Variants in RCAN1 observed in about 807,000 individuals in gnomAD.
RCAN1 encodes calcipressin-1.
In RCAN1, 11 loss-of-function variants were observed where a neutral mutation model predicts 22.9. The observed-to-expected ratio is 0.48, with a 90% CI of 0.30 to 0.79. RCAN1 has a LOEUF of 0.79. Ranked by LOEUF, RCAN1 falls within the 30% of genes least tolerant of loss-of-function variation. The probability of loss-of-function intolerance (pLI) is 0.06; values close to 1 mark genes in which losing one functional copy is unlikely to be tolerated. For missense variants in RCAN1, 291 were observed against 337.8 expected (o/e 0.86, Z 1.09); for synonymous variants, 136 against 142.3 (o/e 0.96, Z 0.32).
At position 34,518,095 on chromosome 21, in the gene RCAN1, G is replaced by T; in HGVS notation, c.748C>A (p.His250Asn). 1 of 1,614,166 alleles carries T rather than the reference G, an allele frequency of 6.2e-7. No homozygotes were observed. The highest frequency in any genetic ancestry group is 1.1e-5 in the South Asian group (1 of 91,084). ...QTRRPEYTPI[H>N]LS ...CGTCGCGTGCCAGTTCAGCTGAGGT[G>T]GATCGGCGTGTACTCCGGCCTCCTG... is the stretch of plus-strand genomic sequence containing the variant. The change falls in exon 4 of 4, where the codon CAC (histidine) becomes AAC (asparagine). Residue 250 changes from histidine (H) to asparagine (N), a missense_variant. Transcript: ENST00000313806. This position sits in a 1 kb window ranked among gnomAD's most constrained non-coding sequence, Gnocchi z 4.2.
chr21:34,535,195 G>C (rs1985612855), intron 1 of RCAN1, among the ~76,000 whole-genome samples: 1 of 152,182 alleles, frequency 6.6e-6, no homozygotes, highest in African/African-American at 2.4e-5. Flanking sequence ...TAAATTCCCA[G>C]TTTTCTTTAG....
chr21:34,531,101 A>C (rs1484753522), intron 1 of RCAN1, among the ~76,000 whole-genome samples: 6 of 152,228 alleles, frequency 3.9e-5, no homozygotes, highest in African/African-American at 1.2e-4. Context: ...AGAGGGATTA[A>C]TATCAAATTC....
intron 1 of RCAN1, among the ~76,000 whole-genome samples, chr21:34,546,095 T>C (rs1986124052): frequency 6.6e-6 from 1 of 152,240 alleles, no homozygotes; most frequent in Non-Finnish European, 1.5e-5. Flanking sequence ...TTCTCAGAGA[T>C]ACAACATGCT....
rs1984067895 is a variant in RCAN1, at chr21:34,516,708, T to A, written c.*1376A>T. On this transcript the variant is annotated 3_prime_UTR_variant, in exon 4 of 4. Coordinates refer to ENST00000313806, the MANE Select transcript of RCAN1 (RefSeq NM_004414.7). Reference sequence around the variant, plus strand: ...AATCAAAGCATTTAATGCAAACATATTTGCTTCTCAAAGAATAAAACCATC... The same window carrying A: ...AATCAAAGCATTTAATGCAAACATAATTGCTTCTCAAAGAATAAAACCATC... 6.6e-6 allele frequency: 1 copy of A among 152,206 alleles called. No homozygotes were observed. The highest frequency in any genetic ancestry group is 1.9e-4 in the East Asian group (1 of 5,206). The allele number at this position is 152,206 out of a possible 1,614,324, so 9.4% of individuals were successfully genotyped here. A position where few individuals can be genotyped will look rare whatever the true frequency, so the allele number is the denominator to read the frequency against.
At chr21:34,563,794 T>TATATAG (rs765741781) in intron 1 of RCAN1, among the ~76,000 whole-genome samples, 41 of 48,704 alleles carry the variant, frequency 8.4e-4, no homozygotes, top group South Asian at 1.0e-3. Context: ...TATATATATA[T>TATATAG]AGAGAGAGAG....
chr21:34,569,077 C>T (rs908638916), intron 1 of RCAN1, among the ~76,000 whole-genome samples: 4 of 152,202 alleles, frequency 2.6e-5, no homozygotes, highest in African/African-American at 4.8e-5. Context: ...AATGATCTCC[C>T]ACCAGGTCCC....
At chr21:34,561,013 G>C (rs1036250705) in intron 1 of RCAN1, among the ~76,000 whole-genome samples, 1 of 152,160 alleles carries the variant, frequency 6.6e-6, no homozygotes, top group Non-Finnish European at 1.5e-5. Context: ...CCCTCATCCT[G>C]TTCTGGTGAT....
chr21:34,533,794 G>GGGGACATGC (rs1352073549), intron 1 of RCAN1, among the ~76,000 whole-genome samples: 1 of 152,218 alleles, frequency 6.6e-6, no homozygotes, highest in Non-Finnish European at 1.5e-5. Flanking sequence ...TCCTTGAGAA[G>GGGGACATGC]GGGACATGCG....
rs367768713 is a variant in RCAN1 at position 34,605,780 on chromosome 21, C to T, written c.252+8980G>A. On this transcript the variant is annotated intron_variant, in intron 1 of 3. Coordinates refer to ENST00000313806, the MANE Select transcript of RCAN1 (RefSeq NM_004414.7). ...ACTAAAAATACAAAAATTAGCCGGG[C>T]GTGGTGGCAGGCACCTGTAATCCCA... Among the ~76,000 whole-genome samples, 56 of 151,894 alleles carry T rather than the reference C, an allele frequency of 3.7e-4. No individual in the cohort carries two copies. In the South Asian group the frequency reaches 6.0e-3, roughly 16 times the overall value.
rs1049843349 is a variant in RCAN1, at chr21:34,614,138, G to A, written c.252+622C>T. ...CCCCATGTACTGGGTGTCCCCGATGGCGGCAAGCCACACCTTCACACAAGG... is the reference window on the plus strand; with the variant it reads ...CCCCATGTACTGGGTGTCCCCGATGACGGCAAGCCACACCTTCACACAAGG... On this transcript the variant is annotated intron_variant, in intron 1 of 3. Transcript: ENST00000313806. The surrounding 1 kb of genome is among the most constrained non-coding windows in gnomAD (Gnocchi z 6.0). The A allele has an allele frequency of 2.3e-5, 17 of 744,244 alleles. No homozygotes were observed. Among genetic ancestry groups the A allele is most frequent in the Admixed American group, 1.0e-4 (2 of 19,190 alleles). The allele number at this position is 744,244 out of a possible 1,614,324, so 46.1% of individuals were successfully genotyped here.
intron 1 of RCAN1, among the ~76,000 whole-genome samples, chr21:34,611,051 C>T (rs1163197228): frequency 6.6e-6 from 1 of 152,104 alleles, no homozygotes; most frequent in Non-Finnish European, 1.5e-5. Flanking sequence ...CATTACTATA[C>T]GGAACTATAT....
chr21:34,519,245 T>C (rs1323578609), intron 3 of RCAN1, among the ~76,000 whole-genome samples: 1 of 152,188 alleles, frequency 6.6e-6, no homozygotes, highest in African/African-American at 2.4e-5. Context: ...TGCATCGTTA[T>C]TGGTGCCCTG....
intron 1 of RCAN1, among the ~76,000 whole-genome samples, chr21:34,567,389 C>T (rs765266398): frequency 6.6e-6 from 1 of 151,840 alleles, no homozygotes; most frequent in Non-Finnish European, 1.5e-5. Flanking sequence ...CCCAGCTACT[C>T]GGGAGACTCT....
intron 1 of RCAN1, among the ~76,000 whole-genome samples, chr21:34,600,005 T>A (rs1988281353): frequency 6.6e-6 from 1 of 152,106 alleles, no homozygotes; most frequent in Non-Finnish European, 1.5e-5. Context: ...AGATAAGGGA[T>A]AAGTTACCCT....
intron 1 of RCAN1, among the ~76,000 whole-genome samples, chr21:34,611,527 C>T (rs1037724922): frequency 9.9e-5 from 15 of 152,268 alleles, no homozygotes; most frequent in African/African-American, 3.6e-4. Flanking sequence ...TCCTTGAAGA[C>T]TAAGCTTACA....
chr21:34,537,763 A>G (rs1293268927), intron 1 of RCAN1, among the ~76,000 whole-genome samples: 1 of 152,252 alleles, frequency 6.6e-6, no homozygotes, highest in Non-Finnish European at 1.5e-5. Context: ...AAGCTGTTCT[A>G]TGCCTAACAA....
chr21:34,545,091 C>A (rs551607131), intron 1 of RCAN1, among the ~76,000 whole-genome samples: 35 of 152,232 alleles, frequency 2.3e-4, no homozygotes, highest in Non-Finnish European at 4.1e-4. Context: ...ATGGTGCGGG[C>A]TGGACCAGCC....
At chr21:34,550,055 G>T (rs1986308425) in intron 1 of RCAN1, among the ~76,000 whole-genome samples, 1 of 152,166 alleles carries the variant, frequency 6.6e-6, no homozygotes, top group Non-Finnish European at 1.5e-5. Context: ...GAGTGGCAGA[G>T]GCCCATTCTA....
intron 1 of RCAN1, chr21:34,526,668 T>C: frequency 1.9e-6 from 3 of 1,613,146 alleles, no homozygotes; most frequent in Non-Finnish European, 2.5e-6. Context: ...CTTACCCTGG[T>C]TTCACTTTCG....
Sources: gnomAD v4.1 joint callset for allele counts (sites outside exome capture counted in the v4.1 genomes callset) on GRCh38, gnomAD v4.1.1 for gene constraint, Gnocchi (gnomAD v3.1) non-coding constraint, MANE v1.5 for transcripts, NCBI Gene and HGNC (gene_info 2026-07-23, HGNC 2026-07-21) for gene names.